FAM47E: variants seen among roughly 807,000 people sequenced by gnomAD.
FAM47E encodes family with sequence similarity 47 member E.
A neutral mutation model predicts 41.6 loss-of-function variants in FAM47E; 32 were observed. The observed-to-expected ratio is 0.77, with a 90% CI of 0.58 to 1.03. The LOEUF (loss-of-function observed/expected upper bound fraction) is 1.03. Among genes scored for constraint, FAM47E ranks in the 50% least tolerant of loss-of-function variants. The pLI, the probability that FAM47E is intolerant of heterozygous loss-of-function variation, is 0.00. For synonymous variants in FAM47E, 184 were observed against 188.7 expected (o/e 0.98, Z 0.20); for missense variants, 424 against 485.4 (o/e 0.87, Z 1.19).
At chr4:76,228,094 T>TTC (rs750838535) in intron 2 of FAM47E, among the ~76,000 whole-genome samples, 1 of 151,956 alleles carries the variant, frequency 6.6e-6, no homozygotes, top group Non-Finnish European at 1.5e-5. Flanking sequence ...GAATACCTTT[T>TTC]TTTTTCATTG....
intron 3 of FAM47E, among the ~76,000 whole-genome samples, chr4:76,264,392 C>T (rs1443671813): frequency 6.6e-6 from 1 of 151,874 alleles, no homozygotes; most frequent in Non-Finnish European, 1.5e-5. Context: ...AGGTCTACTG[C>T]TTGGAGTTTC....
At chr4:76,254,258 T>C (rs1734095430) in intron 1 of FAM47E, among the ~76,000 whole-genome samples, 1 of 152,180 alleles carries the variant, frequency 6.6e-6, no homozygotes, top group Non-Finnish European at 1.5e-5. Context: ...TTGAGTTGTA[T>C]GGCTGTACTT....
chr4:76,256,248 A>G lies in FAM47E; in HGVS notation c.145A>G (p.Arg49Gly). The G allele has an allele frequency of 1.3e-6, 2 of 1,551,704 alleles. No individual in the cohort carries two copies. Among genetic ancestry groups the G allele is most frequent in the South Asian group, 1.2e-5 (1 of 84,062 alleles). ...GCACAGCCGGCAGTTGGTATTTCCA[A>G]GAAAGGGGCTGGACGACTTCAGGAA... ...SLHSRQLVFP[R>G]KGLDDFRKGC... The change falls in exon 2 of 8, where the codon AGA becomes GGA. Residue 49 changes from arginine to glycine, a missense_variant. Transcript: ENST00000424749.
At chr4:76,215,333 C>G (rs1733185459) in intron 1 of FAM47E, among the ~76,000 whole-genome samples, 1 of 152,188 alleles carries the variant, frequency 6.6e-6, no homozygotes, top group Admixed American at 6.5e-5. Flanking sequence ...GTGGTGGATC[C>G]TGCTTGAACC....
At position 76,251,727 on chromosome 4, in the gene FAM47E, G is replaced by C. The variant is rs1394647660; in HGVS notation, c.-20G>C. The C allele has an allele frequency of 6.1e-6, 9 of 1,470,718 alleles. No individual in the cohort carries two copies. Among genetic ancestry groups the C allele is most frequent in the Non-Finnish European group, 8.1e-6 (9 of 1,117,616 alleles). The allele number at this position is 1,470,718 out of a possible 1,614,324, so 91.1% of individuals were successfully genotyped here. A position where few individuals can be genotyped will look rare whatever the true frequency, so the allele number is the denominator to read the frequency against. Reference sequence around the variant, plus strand: ...ACACACCGCCCAAGCCCGGACGGTGGCCGCGAAGCTAGGGCCACCATGGCG... The same window carrying C: ...ACACACCGCCCAAGCCCGGACGGTGCCCGCGAAGCTAGGGCCACCATGGCG... On this transcript the variant is annotated 5_prime_UTR_variant, in exon 1 of 8. Coordinates refer to ENST00000424749, the MANE Select transcript of FAM47E (RefSeq NM_001136570.3).
chr4:76,278,298 C>T, intron 6 of FAM47E, 74 bp downstream of exon 6: 1 of 1,390,766 alleles, frequency 7.2e-7, no homozygotes, highest in Non-Finnish European at 9.3e-7. Context: ...TCCTACTGAA[C>T]CAGACTCTGC....
At chr4:76,228,467 A>G (rs1364327608) in intron 2 of FAM47E, among the ~76,000 whole-genome samples, 2 of 151,504 alleles carry the variant, frequency 1.3e-5, no homozygotes, top group East Asian at 3.9e-4. Context: ...CGATGGAGTA[A>G]GCCTCCATCT....
In FAM47E at chr4:76,262,492, C is replaced by T. The variant is rs1734461318; in HGVS notation, c.421-1212C>T. On this transcript the variant is annotated intron_variant, in intron 2 of 7. Transcript: ENST00000424749. ...TATGTTATGTGTTTCATCTTTGCATCATTTCTAATGCTGGAGATGTACATT... is the reference window on the plus strand; with the variant it reads ...TATGTTATGTGTTTCATCTTTGCATTATTTCTAATGCTGGAGATGTACATT... Among the ~76,000 whole-genome samples the T allele has an allele frequency of 2.0e-5, 3 of 152,202 alleles. No individual in the cohort carries two copies. In the South Asian group the frequency reaches 6.2e-4, roughly 32 times the overall value.
chr4:76,265,021 G>C (rs1289976840), intron 3 of FAM47E, among the ~76,000 whole-genome samples: 1 of 152,198 alleles, frequency 6.6e-6, no homozygotes, highest in African/African-American at 2.4e-5. Context: ...TGTGTTTGGT[G>C]GGGGCCATGT....
In FAM47E at chr4:76,270,448, A is replaced by G. The variant is rs561152823; in HGVS notation, c.670-1120A>G. ...AGCCAAGAGTGGGGGTGTCCAGCCC[A>G]GCTGCAACAGAGTGAGAGTGACGGA... On this transcript the variant is annotated intron_variant, in intron 4 of 7. Transcript: ENST00000424749. Among the ~76,000 whole-genome samples, 6 of 152,308 alleles carry G rather than the reference A, an allele frequency of 3.9e-5. No individual in the cohort carries two copies. In the South Asian group the frequency reaches 1.0e-3, roughly 26 times the overall value.
intron 5 of FAM47E, among the ~76,000 whole-genome samples, chr4:76,272,620 A>T (rs544270215): frequency 5.5e-4 from 83 of 152,174 alleles, no homozygotes; most frequent in Non-Finnish European, 1.1e-3. Flanking sequence ...TTCATCATGA[A>T]TATCAGCACT....
At chr4:76,268,482 TATG>T in intron 3 of FAM47E, 175 bp from the exon 4 acceptor site, 1 of 585,684 alleles carries the variant, frequency 1.7e-6, no homozygotes, top group Non-Finnish European at 2.9e-6. Context: ...TACTTGTCTT[TATG>T]ATATTCGTAA....
chr4:76,245,777 C>T (rs1429704110), intron 2 of FAM47E, among the ~76,000 whole-genome samples: 3 of 151,762 alleles, frequency 2.0e-5, no homozygotes, highest in Admixed American at 1.3e-4. Context: ...GTACAGATCT[C>T]CACTATCTTC....
intron 1 of FAM47E, among the ~76,000 whole-genome samples, chr4:76,253,651 A>G (rs1734064745): frequency 1.3e-5 from 2 of 152,164 alleles, no homozygotes; most frequent in Non-Finnish European, 2.9e-5. Context: ...AAAAGAGGAA[A>G]GCGGTAGCCA....
At chr4:76,238,286 G>T (rs541380628) in intron 2 of FAM47E, among the ~76,000 whole-genome samples, 1 of 152,310 alleles carries the variant, frequency 6.6e-6, no homozygotes, top group African/African-American at 2.4e-5. Flanking sequence ...CTGGTTCACA[G>T]TCTTCAGGAG....
chr4:76,221,134 C>T (rs1733299939), intron 2 of FAM47E, among the ~76,000 whole-genome samples: 1 of 152,138 alleles, frequency 6.6e-6, no homozygotes, highest in African/African-American at 2.4e-5. Flanking sequence ...CCCATACCTG[C>T]CCACAGGAAG....
intron 2 of FAM47E, among the ~76,000 whole-genome samples, chr4:76,261,120 C>A (rs13137733): frequency 1.3e-5 from 2 of 151,694 alleles, no homozygotes; most frequent in African/African-American, 2.4e-5. Context: ...CAATGAGATA[C>A]GAGATACCAT....
At chr4:76,274,947 C>T (rs1735036543) in intron 5 of FAM47E, among the ~76,000 whole-genome samples, 1 of 152,216 alleles carries the variant, frequency 6.6e-6, no homozygotes, top group Non-Finnish European at 1.5e-5. Context: ...TTGGGCTCCT[C>T]CTGGGCTCTC....
At chr4:76,224,251 TA>T (rs1380087456) in intron 2 of FAM47E, among the ~76,000 whole-genome samples, 2 of 152,312 alleles carry the variant, frequency 1.3e-5, no homozygotes, top group East Asian at 3.9e-4. Context: ...ATTCACGGGA[TA>T]ATTGGGCTGG....
Sources: gnomAD v4.1 joint callset for allele counts (sites outside exome capture counted in the v4.1 genomes callset) on GRCh38, gnomAD v4.1.1 for gene constraint, MANE v1.5 for transcripts, NCBI Gene and HGNC (gene_info 2026-07-23, HGNC 2026-07-21) for gene names.